Variants in SNTG1 observed in about 807,000 individuals in gnomAD.
SNTG1 encodes the protein gamma-1-syntrophin.
SNTG1 carries 39 observed loss-of-function variants against 74.7 expected under a neutral mutation model. The observed-to-expected ratio is 0.52, with a 90% CI of 0.40 to 0.68. The LOEUF (loss-of-function observed/expected upper bound fraction) is 0.68, where lower values mean the gene tolerates loss of function less well. Among genes scored for constraint, SNTG1 ranks in the 30% least tolerant of loss-of-function variants. SNTG1 has a pLI of 0.00. For missense variants in SNTG1, 685 were observed against 609.5 expected (o/e 1.12, Z -1.30); for synonymous variants, 254 against 217.1 (o/e 1.17, Z -1.49).
intron 2 of SNTG1, among the ~76,000 whole-genome samples, chr8:50,347,942 A>G (rs927180052): frequency 6.6e-6 from 1 of 152,214 alleles, no homozygotes; most frequent in African/African-American, 2.4e-5. Context: ...ATGAAAATAT[A>G]TATGATATAA....
intron 9 of SNTG1, among the ~76,000 whole-genome samples, chr8:50,505,613 A>C (rs1445063111): frequency 6.6e-6 from 1 of 152,052 alleles, no homozygotes; most frequent in Non-Finnish European, 1.5e-5. Context: ...CAGTAATCTT[A>C]AGCGTCTTTT....
chr8:50,466,644 T>C (rs1439405752), intron 8 of SNTG1, among the ~76,000 whole-genome samples: 1 of 152,008 alleles, frequency 6.6e-6, no homozygotes, highest in Non-Finnish European at 1.5e-5. Flanking sequence ...ATCTAAGCAA[T>C]GTTGAGTCCT....
intron 1 of SNTG1, among the ~76,000 whole-genome samples, chr8:50,029,282 A>C (rs1395164845): frequency 2.6e-5 from 4 of 152,256 alleles, no homozygotes; most frequent in Middle Eastern, 3.4e-3. Flanking sequence ...TAATAATCTC[A>C]ATGGGTAATA....
intron 1 of SNTG1, among the ~76,000 whole-genome samples, chr8:50,003,907 A>G (rs1814975566): frequency 6.6e-6 from 1 of 152,068 alleles, no homozygotes; most frequent in Non-Finnish European, 1.5e-5. Context: ...AATCTGGGGG[A>G]AGTGAATTTC....
chr8:50,397,931 A>T (rs898081671), intron 3 of SNTG1, among the ~76,000 whole-genome samples: 1 of 152,218 alleles, frequency 6.6e-6, no homozygotes, highest in Non-Finnish European at 1.5e-5. Flanking sequence ...TTCTTGTCAC[A>T]CAGTGAGCAC....
intron 2 of SNTG1, among the ~76,000 whole-genome samples, chr8:50,368,999 CTTAG>C (rs1037536321): frequency 1.2e-4 from 19 of 152,166 alleles, no homozygotes; most frequent in African/African-American, 4.3e-4. Flanking sequence ...TCATTCATAT[CTTAG>C]TTAGATGATT....
chr8:50,639,002 G>GT, intron 13 of SNTG1, among the ~76,000 whole-genome samples: 1 of 152,076 alleles, frequency 6.6e-6, no homozygotes, highest in Non-Finnish European at 1.5e-5. Context: ...TGTTGCTATT[G>GT]TTTTTTAAAC....
At chr8:50,753,892 A>G (rs551699528) in intron 18 of SNTG1, among the ~76,000 whole-genome samples, 2 of 151,994 alleles carry the variant, frequency 1.3e-5, no homozygotes, top group East Asian at 3.9e-4. Flanking sequence ...AAAGAAAATA[A>G]TACCTCCATA....
chr8:49,980,290 A>T (rs1585751692), intron 1 of SNTG1, among the ~76,000 whole-genome samples: 1 of 152,086 alleles, frequency 6.6e-6, no homozygotes, highest in African/African-American at 2.4e-5. Flanking sequence ...AAGAAATCAA[A>T]TGTTTGGCCC....
At chr8:50,631,987 G>A (rs1403345951) in intron 13 of SNTG1, among the ~76,000 whole-genome samples, 1 of 152,178 alleles carries the variant, frequency 6.6e-6, no homozygotes, top group Admixed American at 6.6e-5. Flanking sequence ...GTAACTCAGA[G>A]TATATGACTA....
chr8:50,795,456 AT>A lies in SNTG1; in HGVS notation c.*2630del, dbSNP rs1802767610. 6.6e-6 allele frequency: 1 copy of A among 152,076 alleles called. No homozygotes were observed. Among genetic ancestry groups the A allele is most frequent in the Admixed American group, 6.6e-5 (1 of 15,220 alleles). The allele number at this position is 152,076 out of a possible 1,614,324, so 9.4% of individuals were successfully genotyped here. A position where few individuals can be genotyped will look rare whatever the true frequency, so the allele number is the denominator to read the frequency against. ...TATAATTTAGGTTTACATGTAAGAG[AT>A]TTATTCATAAAATCCTAGTTTGTAC... On this transcript the variant is annotated 3_prime_UTR_variant, in exon 19 of 19. Coordinates refer to ENST00000642720, the MANE Select transcript of SNTG1 (RefSeq NM_018967.5).
intron 15 of SNTG1, among the ~76,000 whole-genome samples, chr8:50,671,630 G>A (rs1484051851): frequency 6.6e-6 from 1 of 152,136 alleles, no homozygotes; most frequent in African/African-American, 2.4e-5. Flanking sequence ...GTGGAAGTTA[G>A]TGTGGTGATT....
At chr8:50,095,651 T>A (rs1486105278) in intron 1 of SNTG1, among the ~76,000 whole-genome samples, 1 of 152,210 alleles carries the variant, frequency 6.6e-6, no homozygotes, top group Non-Finnish European at 1.5e-5. Context: ...AATTGTGACA[T>A]GCCCTTAATA....
rs180759059 is a variant in SNTG1 at position 50,379,327 on chromosome 8, G to C, written c.-27-14885G>C. Among the ~76,000 whole-genome samples the C allele has an allele frequency of 1.7e-3, 260 of 152,262 alleles. 2 individuals carry two copies. Among genetic ancestry groups the C allele is most frequent in the Middle Eastern group, 0.01 (3 of 294 alleles). The stretch of plus-strand genomic sequence containing the variant: ...GCACTTCCTAGCCTATGAAAGCAGG[G>C]GGGGCCTTCATGGGCCCCCAGAGAT... On this transcript the variant is annotated intron_variant, in intron 2 of 18. Coordinates refer to ENST00000642720, the MANE Select transcript of SNTG1 (RefSeq NM_018967.5).
chr8:50,120,758 A>T (rs1276270439), intron 1 of SNTG1, among the ~76,000 whole-genome samples: 1 of 142,456 alleles, frequency 7.0e-6, no homozygotes, highest in Non-Finnish European at 1.6e-5. Flanking sequence ...TAATGTCCAC[A>T]TTCTGTTTTT....
chr8:50,057,357 G>C (rs751915825), intron 1 of SNTG1, among the ~76,000 whole-genome samples: 2 of 152,110 alleles, frequency 1.3e-5, no homozygotes, highest in Admixed American at 1.3e-4. Context: ...ACCTTATCGG[G>C]AGCAATGCCT....
intron 2 of SNTG1, among the ~76,000 whole-genome samples, chr8:50,193,526 T>G (rs1380491400): frequency 6.6e-6 from 1 of 152,268 alleles, no homozygotes; most frequent in East Asian, 1.9e-4. Context: ...ATCTTGTATC[T>G]GGAAACTTTG....
chr8:49,930,429 G>C (rs2129355629), intron 1 of SNTG1, among the ~76,000 whole-genome samples: 1 of 151,924 alleles, frequency 6.6e-6, no homozygotes, highest in East Asian at 1.9e-4. Flanking sequence ...TCAAATTCCT[G>C]ATAACATCTA....
chr8:50,695,953 A>C lies in SNTG1; in HGVS notation c.1039-8647A>C, dbSNP rs531061857. 5.0e-3 allele frequency among the ~76,000 whole-genome samples: 765 copies of C among 151,992 alleles called. 6 individuals carry two copies. Among genetic ancestry groups the C allele is most frequent in the Middle Eastern group, 0.01 (3 of 294 alleles). On this transcript the variant is annotated intron_variant, in intron 15 of 18. Coordinates refer to ENST00000642720, the MANE Select transcript of SNTG1 (RefSeq NM_018967.5). ...ATGAGTGCAGGTCATGTTTTGATAA[A>C]ATGATTTCTTTTCCTTTGGATATAT... is the stretch of plus-strand genomic sequence containing the variant.
Sources: gnomAD v4.1 joint callset for allele counts (sites outside exome capture counted in the v4.1 genomes callset) on GRCh38, gnomAD v4.1.1 for gene constraint, MANE v1.5 for transcripts, NCBI Gene and HGNC (gene_info 2026-07-23, HGNC 2026-07-21) for gene names.